The following KCNT2 variants were observed in gnomAD, a reference collection of about 807,000 sequenced individuals.
KCNT2 encodes the protein potassium channel subfamily T member 2.
In KCNT2, 67 loss-of-function variants were observed where a neutral mutation model predicts 153.8. The ratio of observed to expected loss-of-function variants is 0.44; its 90% CI spans 0.36 to 0.53. KCNT2 has a LOEUF of 0.53. KCNT2 is among the 20% of genes least tolerant of loss of function. KCNT2 has a pLI of 0.00. For synonymous variants in KCNT2, 500 were observed against 458.8 expected (o/e 1.09, Z -1.15); for missense variants, 975 against 1,354.8 (o/e 0.72, Z 4.40).
Position 196,331,373 on chromosome 1 carries a change from C to A in KCNT2, c.1998-112G>T, listed in dbSNP as rs768630190. 4.9e-4 allele frequency: 333 copies of A among 686,508 alleles called. 3 individuals carry two copies. The highest frequency in any genetic ancestry group is 9.9e-4 in the South Asian group (60 of 60,358). The allele number at this position is 686,508 out of a possible 1,614,324, so 42.5% of individuals were successfully genotyped here. On this transcript the variant is annotated intron_variant, in intron 17 of 27. Coordinates refer to ENST00000294725, the MANE Select transcript of KCNT2 (RefSeq NM_198503.5). ...CATTATAATCAATACCTCTGTGTTGCAATTATATTTTGATAAAGAGGTAGT... is the reference window on the plus strand; with the variant it reads ...CATTATAATCAATACCTCTGTGTTGAAATTATATTTTGATAAAGAGGTAGT...
At chr1:196,337,676 C>A (rs1665169385) in intron 16 of KCNT2, among the ~76,000 whole-genome samples, 2 of 152,086 alleles carry the variant, frequency 1.3e-5, no homozygotes. Flanking sequence ...TTCTCCAGAC[C>A]TCCACAGGAC....
chr1:196,234,309 T>G (rs1046454534), intron 27 of KCNT2, among the ~76,000 whole-genome samples: 1 of 151,228 alleles, frequency 6.6e-6, no homozygotes, highest in Non-Finnish European at 1.5e-5. Flanking sequence ...CCTGGAAAAT[T>G]GTCTCCCCAT....
At position 196,395,020 on chromosome 1, in the gene KCNT2, T is replaced by C. The variant is rs544670819; in HGVS notation, c.1294+3543A>G. 5.0e-4 allele frequency among the ~76,000 whole-genome samples: 75 copies of C among 151,394 alleles called. No homozygotes were observed. The Admixed American group carries it at 5.0e-3, about 10-fold the overall frequency. On this transcript the variant is annotated intron_variant, in intron 13 of 27. Transcript: ENST00000294725. ...TTTAAGTTTTAATTATGAATGAATG[T>C]TGAAGTCTGTCTCAAATACTTTACT...
intron 1 of KCNT2, among the ~76,000 whole-genome samples, chr1:196,496,593 T>C (rs11576790): frequency 0.48 from 72,803 of 151,908 alleles, 19,803 homozygotes; most frequent in Middle Eastern, 0.73. Context: ...AAAACCAAAA[T>C]ACTTTTGATA....
intron 21 of KCNT2, among the ~76,000 whole-genome samples, chr1:196,305,977 C>T (rs1294572377): frequency 1.3e-5 from 2 of 152,046 alleles, no homozygotes; most frequent in Non-Finnish European, 2.9e-5. Context: ...TTGACACTCT[C>T]TCAAATATAT....
chr1:196,232,696 C>A (rs1188497051), intron 27 of KCNT2, among the ~76,000 whole-genome samples: 4 of 151,344 alleles, frequency 2.6e-5, no homozygotes. Context: ...TCTACTTTAC[C>A]TGTCCACATT....
chr1:196,335,809 A>G lies in KCNT2; in HGVS notation c.1784-1749T>C, dbSNP rs190014030. ...GATCACCACTATTTCTTGTTTGTTC[A>G]GGTCACTCTCACTGATTTCCTAACA... is the stretch of plus-strand genomic sequence containing the variant. On this transcript the variant is annotated intron_variant, in intron 16 of 27. Coordinates refer to ENST00000294725, the MANE Select transcript of KCNT2 (RefSeq NM_198503.5). 3.1e-3 allele frequency among the ~76,000 whole-genome samples: 476 copies of G among 152,156 alleles called. 1 individual carries two copies. The highest frequency in any genetic ancestry group is 0.01 in the African/African-American group (435 of 41,516).
chr1:196,470,247 T>C (rs1286184625), intron 5 of KCNT2, among the ~76,000 whole-genome samples: 1 of 152,168 alleles, frequency 6.6e-6, no homozygotes, highest in Non-Finnish European at 1.5e-5. Flanking sequence ...ACCAAACCAC[T>C]TAACTTGGCT....
chr1:196,462,056 A>T (rs889946867), intron 8 of KCNT2, among the ~76,000 whole-genome samples: 2 of 151,730 alleles, frequency 1.3e-5, no homozygotes, highest in Non-Finnish European at 3.0e-5. Context: ...TTAATTTCTG[A>T]CATGTCCTAT....
chr1:196,457,063 T>C (rs1301719003), intron 8 of KCNT2, among the ~76,000 whole-genome samples: 1 of 151,906 alleles, frequency 6.6e-6, no homozygotes, highest in Non-Finnish European at 1.5e-5. Flanking sequence ...AATAATTTTT[T>C]ACACCCAAAC....
At position 196,331,148 on chromosome 1, in the gene KCNT2, GTACT is replaced by G; in HGVS notation, c.2103+4_2103+7del. On this transcript the variant is annotated splice_donor_5th_base_variant and intron_variant, in intron 18 of 27. Coordinates refer to ENST00000294725, the MANE Select transcript of KCNT2 (RefSeq NM_198503.5). ...TTTGTAAACAAAAAAGCATCAACAA[GTACT>G]TACCTTGTCTAATCTTAAGCAGCAA... is the stretch of plus-strand genomic sequence containing the variant. The G allele has an allele frequency of 6.8e-7, 1 of 1,465,328 alleles. No homozygotes were observed. 90.8% of individuals were successfully genotyped at this position (1,465,328 alleles called of 1,614,324 possible). A position where few individuals can be genotyped will look rare whatever the true frequency, so the allele number is the denominator to read the frequency against.
At chr1:196,327,307 AAC>A (rs1663960744) in intron 18 of KCNT2, among the ~76,000 whole-genome samples, 1 of 152,010 alleles carries the variant, frequency 6.6e-6, no homozygotes, top group African/African-American at 2.4e-5. Flanking sequence ...AAGAAAATAA[AAC>A]AGTGAAAAAA....
At chr1:196,315,013 A>G (rs1662569116) in intron 21 of KCNT2, among the ~76,000 whole-genome samples, 1 of 151,712 alleles carries the variant, frequency 6.6e-6, no homozygotes, top group African/African-American at 2.4e-5. Context: ...ACAGACACGC[A>G]TCTAGGCTCT....
At chr1:196,443,739 T>A (rs1036019006) in intron 8 of KCNT2, among the ~76,000 whole-genome samples, 1 of 151,602 alleles carries the variant, frequency 6.6e-6, no homozygotes, top group Admixed American at 6.6e-5. Context: ...AATATTTTCT[T>A]GCCAACCTCA....
At chr1:196,437,331 T>C (rs1049264977) in intron 8 of KCNT2, among the ~76,000 whole-genome samples, 3 of 136,712 alleles carry the variant, frequency 2.2e-5, no homozygotes, top group African/African-American at 5.3e-5. Flanking sequence ...TACATAAACA[T>C]ATTTTTATTT....
chr1:196,396,399 G>A lies in KCNT2; in HGVS notation c.1294+2164C>T, dbSNP rs570816330. Among the ~76,000 whole-genome samples, 10 of 151,642 alleles carry A rather than the reference G, an allele frequency of 6.6e-5. 2 individuals carry two copies. The highest frequency in any genetic ancestry group is 2.4e-4 in the African/African-American group (10 of 41,452). ...ATGGTAAAAAGCTGCAAAATCACAC[G>A]GCAACAGGGCACAGATATATACAGC... On this transcript the variant is annotated intron_variant, in intron 13 of 27. Coordinates refer to ENST00000294725, the MANE Select transcript of KCNT2 (RefSeq NM_198503.5).
chr1:196,438,821 T>G (rs1408524519), intron 8 of KCNT2, among the ~76,000 whole-genome samples: 1 of 151,914 alleles, frequency 6.6e-6, no homozygotes, highest in Non-Finnish European at 1.5e-5. Flanking sequence ...GTAACTAATA[T>G]CATGATATGT....
chr1:196,245,896 G>A (rs1208157498), intron 26 of KCNT2, among the ~76,000 whole-genome samples: 1 of 152,142 alleles, frequency 6.6e-6, no homozygotes, highest in East Asian at 1.9e-4. Flanking sequence ...TGACTTTAAA[G>A]AGGAGGTTGA....
At chr1:196,507,994 G>A (rs910156057) in intron 1 of KCNT2, among the ~76,000 whole-genome samples, 10 of 151,630 alleles carry the variant, frequency 6.6e-5, no homozygotes, top group African/African-American at 2.2e-4. Context: ...AGACTTATTA[G>A]GATGGTGCAG....
Sources: gnomAD v4.1 joint callset for allele counts (sites outside exome capture counted in the v4.1 genomes callset) on GRCh38, gnomAD v4.1.1 for gene constraint, MANE v1.5 for transcripts, NCBI Gene and HGNC (gene_info 2026-07-23, HGNC 2026-07-21) for gene names.